Variants in RNH1 observed in about 807,000 individuals in gnomAD.
RNH1 encodes the protein ribonuclease inhibitor.
In RNH1, 38 loss-of-function variants were observed where a neutral mutation model predicts 46.1. That is an observed-to-expected ratio of 0.82 (90% CI 0.64 to 1.08). The LOEUF (loss-of-function observed/expected upper bound fraction) is 1.08, where lower values mean the gene tolerates loss of function less well. Ranked by LOEUF, RNH1 falls within the 50% of genes least tolerant of loss-of-function variation. The pLI is 0.00. For synonymous variants in RNH1, 319 were observed against 279.1 expected (o/e 1.14, Z -1.43); for missense variants, 577 against 590.7 (o/e 0.98, Z 0.24).
In RNH1 at chr11:501,031, G is replaced by C. The variant is rs1849702100; in HGVS notation, c.102-377C>G. 2.7e-6 allele frequency: 1 copy of C among 365,164 alleles called. No homozygotes were observed. Among genetic ancestry groups the C allele is most frequent in the Non-Finnish European group, 5.4e-6 (1 of 186,906 alleles). 22.6% of individuals were successfully genotyped at this position (365,164 alleles called of 1,614,324 possible). A position where few individuals can be genotyped will look rare whatever the true frequency, so the allele number is the denominator to read the frequency against. On this transcript the variant is annotated intron_variant, in intron 3 of 10. Coordinates refer to ENST00000354420, the MANE Select transcript of RNH1 (RefSeq NM_203387.3). This position sits in a 1 kb window ranked among gnomAD's most constrained non-coding sequence, Gnocchi z 4.1. ...TAATCCCAGCTACTCGGGAGGCTGA[G>C]GCAGGAGGATCACTTGAGCCCAGGA...
At chr11:504,044 AAC>A (rs1287224860) in intron 2 of RNH1, among the ~76,000 whole-genome samples, 1 of 152,226 alleles carries the variant, frequency 6.6e-6, no homozygotes, top group Non-Finnish European at 1.5e-5. Context: ...CAGGGATCTG[AAC>A]AGAGGCCCTA....
At chr11:497,280 G>C in intron 9 of RNH1, among the ~76,000 whole-genome samples, 1 of 129,610 alleles carries the variant, frequency 7.7e-6, no homozygotes, top group African/African-American at 3.0e-5. Flanking sequence ...CTCACACACG[G>C]ACACTCGTGC....
intron 1 of RNH1, chr11:506,818 A>T (rs555137166): frequency 6.6e-6 from 1 of 152,434 alleles, no homozygotes; most frequent in East Asian, 1.9e-4. Flanking sequence ...ACGCAGGCGC[A>T]GCCCCGCGCC....
At chr11:498,992 C>T in intron 6 of RNH1, 23 bp downstream of exon 6, 1 of 1,611,172 alleles carries the variant, frequency 6.2e-7, no homozygotes, top group South Asian at 1.1e-5. Flanking sequence ...ACACCCCGCA[C>T]CCCCCCAAGG....
intron 9 of RNH1, among the ~76,000 whole-genome samples, chr11:495,378 G>A (rs1191177966): frequency 6.6e-6 from 1 of 152,194 alleles, no homozygotes; most frequent in Non-Finnish European, 1.5e-5. Flanking sequence ...TGGCTGCGTG[G>A]GCTTCAAAGG....
intron 9 of RNH1, among the ~76,000 whole-genome samples, chr11:497,327 GCTCA>G (rs1397759980): frequency 2.2e-5 from 3 of 136,048 alleles, no homozygotes; most frequent in Admixed American, 1.5e-4. Flanking sequence ...GGACCCTCGT[GCTCA>G]CTCTCACGTG....
In RNH1 at chr11:499,773, C is replaced by T. The variant is rs962227456; in HGVS notation, c.443+56G>A. 50 of 1,573,820 alleles carry T rather than the reference C, an allele frequency of 3.2e-5. 1 individual carries two copies. Among genetic ancestry groups the T allele is most frequent in the Admixed American group, 8.6e-5 (5 of 57,964 alleles). On this transcript the variant is annotated intron_variant, in intron 5 of 10. Coordinates refer to ENST00000354420, the MANE Select transcript of RNH1 (RefSeq NM_203387.3). ...GGCAGGCGATGTTCTATGTAGGGGG[C>T]TGGCTGGGGGACAGGCAGCGGCCAG...
chr11:494,937 A>G lies in RNH1; in HGVS notation c.1244T>C (p.Ile415Thr), dbSNP rs2133863154. The G allele has an allele frequency of 1.9e-6, 3 of 1,610,012 alleles. No individual in the cohort carries two copies. Among genetic ancestry groups the G allele is most frequent in the African/African-American group, 2.7e-5 (2 of 74,986 alleles). ...LSNNCLGDAG[I>T]LQLVESVRQP... ...CCGGACGCTCTCCACCAGCTGCAGG[A>G]TGCCGGCGTCCCCCAGGCAGTTGTT... Residue 415 changes from isoleucine (I) to threonine (T), a missense_variant, in exon 10 of 11, where the codon ATC becomes ACC. Ile to Thr is a moderately conservative substitution (Grantham distance 89, BLOSUM62 -1). Transcript: ENST00000354420.
chr11:498,751 G>A lies in RNH1; in HGVS notation c.785+12C>T, dbSNP rs761141839. 14 of 1,593,736 alleles carry A rather than the reference G, an allele frequency of 8.8e-6. No homozygotes were observed. In the Admixed American group the frequency reaches 2.4e-4, roughly 27 times the overall value. On this transcript the variant is annotated intron_variant, in intron 7 of 10. Coordinates refer to ENST00000354420, the MANE Select transcript of RNH1 (RefSeq NM_203387.3). ...GACCCTCCGGGAAGGAGGCCTCGCGGAGATGACTCACCACAGGGTCCTGAG... is the reference window on the plus strand; with the variant it reads ...GACCCTCCGGGAAGGAGGCCTCGCGAAGATGACTCACCACAGGGTCCTGAG...
Position 500,645 on chromosome 11 carries a change from G to A in RNH1, c.111C>T (p.Asp37=), listed in dbSNP as rs1469263921. Residue 37 remains aspartate, a synonymous_variant, in exon 4 of 11, where the codon GAC becomes GAT. Coordinates refer to ENST00000354420, the MANE Select transcript of RNH1 (RefSeq NM_203387.3). ...LQQCQVVRLD[D]CGLTEARCKD... ...TGCACCGTGCTTCCGTGAGGCCACA[G>A]TCGTCCAGCCTGTGAGCAGACCCCA... is the stretch of plus-strand genomic sequence containing the variant. The A allele has an allele frequency of 6.2e-7, 1 of 1,605,592 alleles. No homozygotes were observed. Among genetic ancestry groups the A allele is most frequent in the Middle Eastern group, 1.7e-4 (1 of 6,056 alleles).
In RNH1 at chr11:498,026, C is replaced by A; in HGVS notation, c.1072G>T (p.Val358Leu). 6.2e-7 allele frequency: 1 copy of A among 1,614,124 alleles called. No individual in the cohort carries two copies. Among genetic ancestry groups the A allele is most frequent in the Non-Finnish European group, 8.5e-7 (1 of 1,180,040 alleles). ...ISNNRLEDAG[V>L]RELCQGLGQP... ...CCCAGGCCCTGGCACAGCTCCCGCA[C>A]GCCCGCATCCTCCAGCCTGTTGTTG... The change falls in exon 9 of 11, where the codon GTG becomes TTG. Residue 358 changes from valine to leucine, a missense_variant. Transcript: ENST00000354420.
rs1346096959 is a variant in RNH1 at position 502,197 on chromosome 11, A to G, written c.-35T>C. ...GAAGAGTGGCCTGGGTGGGAGGCAG[A>G]GGGAAGAGGACGTCTTGGCCGAATC... On this transcript the variant is annotated 5_prime_UTR_variant, in exon 3 of 11. Transcript: ENST00000354420. The surrounding 1 kb of genome is among the most constrained non-coding windows in gnomAD (Gnocchi z 5.8). The G allele has an allele frequency of 3.3e-6, 5 of 1,530,638 alleles. No homozygotes were observed. The highest frequency in any genetic ancestry group is 4.5e-6 in the Non-Finnish European group (5 of 1,114,958). The allele number at this position is 1,530,638 out of a possible 1,614,324, so 94.8% of individuals were successfully genotyped here.
chr11:499,703 G>A, intron 5 of RNH1, 126 bp downstream of exon 5: 1 of 1,139,858 alleles, frequency 8.8e-7, no homozygotes, highest in Non-Finnish European at 1.3e-6. Flanking sequence ...GGAAAGGAGA[G>A]CACCACAAGG....
In RNH1 at chr11:498,073, A is replaced by G; in HGVS notation, c.1025T>C (p.Phe342Ser). 6.2e-7 allele frequency: 1 copy of G among 1,614,118 alleles called. No individual in the cohort carries two copies. Among genetic ancestry groups the G allele is most frequent in the Non-Finnish European group, 8.5e-7 (1 of 1,180,026 alleles). ...GTTGCTTATCTGTAGCTCCAGGAGAAACCTGTTCTGGGCCAGCACTGAGCT... is the reference window on the plus strand; with the variant it reads ...GTTGCTTATCTGTAGCTCCAGGAGAGACCTGTTCTGGGCCAGCACTGAGCT... ...HFSSVLAQNR[F>S]LLELQISNNR... The change falls in exon 9 of 11, where the codon TTT (phenylalanine) becomes TCT (serine). Residue 342 changes from phenylalanine (F) to serine (S), a missense_variant. By Grantham distance (155) the Phe-to-Ser change is radical (BLOSUM62 -2). Coordinates refer to ENST00000354420, the MANE Select transcript of RNH1 (RefSeq NM_203387.3).
chr11:496,498 T>G (rs1415170422), intron 9 of RNH1, among the ~76,000 whole-genome samples: 1 of 152,150 alleles, frequency 6.6e-6, no homozygotes, highest in Non-Finnish European at 1.5e-5. Flanking sequence ...TGAAACCCCA[T>G]CTCTACTAAA....
At chr11:500,054 T>A in intron 4 of RNH1, 55 bp from the exon 5 acceptor site, 2 of 1,478,144 alleles carry the variant, frequency 1.4e-6, no homozygotes, top group Non-Finnish European at 1.8e-6. Flanking sequence ...GCCACGCCCT[T>A]CGCCTGCCAG....
In RNH1 at chr11:498,043, C is replaced by T. The variant is rs1849338026; in HGVS notation, c.1055G>A (p.Arg352Lys). Residue 352 changes from arginine to lysine, a missense_variant, in exon 9 of 11, where the codon AGG becomes AAG. Arg to Lys is a conservative substitution (Grantham distance 26). Transcript: ENST00000354420. ...CTCCCGCACGCCCGCATCCTCCAGCCTGTTGTTGCTTATCTGTAGCTCCAG... is the reference window on the plus strand; with the variant it reads ...CTCCCGCACGCCCGCATCCTCCAGCTTGTTGTTGCTTATCTGTAGCTCCAG... ...FLLELQISNN[R>K]LEDAGVRELC... is the part of the protein sequence containing the mutation. 3.7e-6 allele frequency: 6 copies of T among 1,614,106 alleles called. No individual in the cohort carries two copies. Among genetic ancestry groups the T allele is most frequent in the Non-Finnish European group, 5.1e-6 (6 of 1,180,022 alleles).
At chr11:498,310 A>C in intron 8 of RNH1, 147 bp downstream of exon 8, 2 of 1,269,840 alleles carry the variant, frequency 1.6e-6, no homozygotes, top group Non-Finnish European at 2.2e-6. Context: ...TTCCCATCAA[A>C]CCACAGGCTG....
chr11:497,466 C>G (rs1364753313), intron 9 of RNH1, among the ~76,000 whole-genome samples: 2 of 147,534 alleles, frequency 1.4e-5, no homozygotes, highest in African/African-American at 5.1e-5. Context: ...CACTCGTGCT[C>G]CCTCTCGCCC....
Sources: allele counts gnomAD v4.1 joint callset (sites outside exome capture counted in the v4.1 genomes callset), GRCh38; gene constraint gnomAD v4.1.1; non-coding constraint Gnocchi (gnomAD v3.1); transcripts MANE v1.5; gene names NCBI Gene and HGNC (gene_info 2026-07-23, HGNC 2026-07-21).